The following MR1 variants were observed in gnomAD, a reference collection of about 807,000 sequenced individuals.
The protein encoded by MR1 is major histocompatibility complex class I-related protein 1.
A neutral mutation model predicts 37.8 loss-of-function variants in MR1; 44 were observed. The observed-to-expected ratio is 1.16, with a 90% CI of 0.91 to 1.50. MR1 has a LOEUF of 1.50. MR1 is among the 40% of genes most tolerant of loss of function. MR1 has a pLI of 0.00. For synonymous variants in MR1, 153 were observed against 155.8 expected (o/e 0.98, Z 0.13); for missense variants, 386 against 419.1 (o/e 0.92, Z 0.69).
At chr1:181,042,421 G>C (rs1657607664) in intron 1 of MR1, among the ~76,000 whole-genome samples, 1 of 150,588 alleles carries the variant, frequency 6.6e-6, no homozygotes, top group Non-Finnish European at 1.5e-5. Flanking sequence ...GGCTGGTCTT[G>C]AACTCCTGAC....
chr1:181,054,070 C>T (rs571027376), intron 5 of MR1, among the ~76,000 whole-genome samples: 8 of 152,264 alleles, frequency 5.3e-5, no homozygotes, highest in Admixed American at 3.9e-4. Flanking sequence ...CCATTTTGAC[C>T]ACCATTCTTT....
intron 3 of MR1, among the ~76,000 whole-genome samples, chr1:181,051,793 G>A (rs1658334962): frequency 6.6e-6 from 1 of 152,226 alleles, no homozygotes; most frequent in East Asian, 1.9e-4. Flanking sequence ...AGCCAAAACT[G>A]AGTGGGGATG....
rs139847219 is a variant in MR1, at chr1:181,052,898, C to A, written c.880+388C>A. ...CCTGGCCAACATGGTGAAACCCCATCTCTACTAAAAATACAAAAATTAGCC... is the reference window on the plus strand; with the variant it reads ...CCTGGCCAACATGGTGAAACCCCATATCTACTAAAAATACAAAAATTAGCC... On this transcript the variant is annotated intron_variant, in intron 4 of 5. Coordinates refer to ENST00000367580, the MANE Select transcript of MR1 (RefSeq NM_001385161.1). 7.4e-3 allele frequency among the ~76,000 whole-genome samples: 1,122 copies of A among 152,004 alleles called. 4 individuals carry two copies. Among genetic ancestry groups the A allele is most frequent in the Non-Finnish European group, 0.011 (739 of 67,974 alleles).
At chr1:181,047,615 A>G (rs1314631355) in intron 1 of MR1, among the ~76,000 whole-genome samples, 2 of 145,192 alleles carry the variant, frequency 1.4e-5, no homozygotes, top group Non-Finnish European at 3.0e-5. Context: ...ATAAATAAAT[A>G]GGCTGGGCAC....
intron 1 of MR1, among the ~76,000 whole-genome samples, chr1:181,035,445 T>C (rs564759936): frequency 1.3e-5 from 2 of 152,260 alleles, no homozygotes; most frequent in East Asian, 1.9e-4. Flanking sequence ...AGTCTCTGCT[T>C]CCATGAAAAT....
intron 1 of MR1, among the ~76,000 whole-genome samples, chr1:181,037,559 T>C (rs1251908034): frequency 6.6e-6 from 1 of 152,224 alleles, no homozygotes; most frequent in Non-Finnish European, 1.5e-5. Flanking sequence ...ACAGTATTGC[T>C]AAGAGCTGGA....
In MR1 at chr1:181,049,360, G is replaced by A. The variant is rs754179677; in HGVS notation, c.328+48G>A. The A allele has an allele frequency of 2.4e-5, 37 of 1,570,758 alleles. No homozygotes were observed. In the Admixed American group the frequency reaches 3.7e-4, roughly 16 times the overall value. On this transcript the variant is annotated intron_variant, in intron 2 of 5. Transcript: ENST00000367580. ...CGCTTCCCCCATCCCACCCCAACCC[G>A]CAGAGACCCCTGGGCTGGCCTCCAA...
intron 1 of MR1, among the ~76,000 whole-genome samples, chr1:181,038,899 G>T (rs912665215): frequency 5.9e-5 from 9 of 152,170 alleles, no homozygotes; most frequent in Non-Finnish European, 4.4e-5. Flanking sequence ...CGCCTCCTGG[G>T]TTCAAGCGAT....
intron 1 of MR1, among the ~76,000 whole-genome samples, chr1:181,043,139 A>G (rs577084258): frequency 6.6e-6 from 1 of 152,282 alleles, no homozygotes; most frequent in East Asian, 1.9e-4. Context: ...ACTTTTATGA[A>G]GAGGCTCTCA....
chr1:181,049,190 C>A lies in MR1; in HGVS notation c.206C>A (p.Ala69Asp), dbSNP rs768168767. Residue 69 changes from alanine to aspartate, a missense_variant, in exon 2 of 6, where the codon GCC becomes GAC. By Grantham distance (126) the Ala-to-Asp change is moderately radical. Coordinates refer to ENST00000367580, the MANE Select transcript of MR1 (RefSeq NM_001385161.1). ...DSVTRQKEPR[A>D]PWMAENLAPD... ...GTCACTCGGCAGAAGGAGCCACGGG[C>A]CCCATGGATGGCAGAGAACCTCGCG... is the stretch of plus-strand genomic sequence containing the variant. 1 of 1,614,216 alleles carries A rather than the reference C, an allele frequency of 6.2e-7. No individual in the cohort carries two copies.
intron 1 of MR1, among the ~76,000 whole-genome samples, chr1:181,043,988 G>T (rs1657715559): frequency 8.8e-6 from 1 of 113,538 alleles, no homozygotes; most frequent in Admixed American, 1.2e-4. Flanking sequence ...TTTTGAGACA[G>T]AGTCTCACTC....
intron 2 of MR1, 49 bp downstream of exon 2, chr1:181,049,361 C>A: frequency 1.3e-6 from 2 of 1,572,326 alleles, no homozygotes; most frequent in Non-Finnish European, 1.7e-6. Context: ...CCCCAACCCG[C>A]AGAGACCCCT....
rs1164626173 is a variant in MR1 at position 181,060,101 on chromosome 1, G to A, written c.*4836G>A. On this transcript the variant is annotated 3_prime_UTR_variant, in exon 6 of 6. Coordinates refer to ENST00000367580, the MANE Select transcript of MR1 (RefSeq NM_001385161.1). ...TGGCAGAAACATGCTGCCTCTAAAG[G>A]GACTGGGAAAGGATCTGTTCCAGGC... 6.6e-6 allele frequency: 1 copy of A among 151,236 alleles called. No individual in the cohort carries two copies. Among genetic ancestry groups the A allele is most frequent in the African/African-American group, 2.4e-5 (1 of 41,374 alleles). 9.4% of individuals were successfully genotyped at this position (151,236 alleles called of 1,614,324 possible). A position where few individuals can be genotyped will look rare whatever the true frequency, so the allele number is the denominator to read the frequency against.
rs965335592 is a variant in MR1 at position 181,056,404 on chromosome 1, A to C, written c.*1139A>C. ...TAATAATAATAATAATAATAATAAT[A>C]ACAGTATATTTGGTGTCAGGAGAGG... On this transcript the variant is annotated 3_prime_UTR_variant, in exon 6 of 6. Coordinates refer to ENST00000367580, the MANE Select transcript of MR1 (RefSeq NM_001385161.1). 1 of 140,426 alleles carries C rather than the reference A, an allele frequency of 7.1e-6. No individual in the cohort carries two copies. The highest frequency in any genetic ancestry group is 2.6e-5 in the African/African-American group (1 of 38,154). 8.7% of individuals were successfully genotyped at this position (140,426 alleles called of 1,614,324 possible). A position where few individuals can be genotyped will look rare whatever the true frequency, so the allele number is the denominator to read the frequency against.
chr1:181,045,576 C>G (rs1332819273), intron 1 of MR1, among the ~76,000 whole-genome samples: 1 of 152,166 alleles, frequency 6.6e-6, no homozygotes, highest in Non-Finnish European at 1.5e-5. Context: ...CCTACCTGTC[C>G]CTGAGACCTC....
At chr1:181,048,707 G>T (rs1421299598) in intron 1 of MR1, among the ~76,000 whole-genome samples, 1 of 152,148 alleles carries the variant, frequency 6.6e-6, no homozygotes, top group Non-Finnish European at 1.5e-5. Context: ...GAGGGCTCCC[G>T]CAGGGACAGC....
At chr1:181,050,357 T>C in intron 3 of MR1, 71 bp downstream of exon 3, 1 of 1,580,554 alleles carries the variant, frequency 6.3e-7, no homozygotes, top group Non-Finnish European at 8.7e-7. Flanking sequence ...TCTTTTAATC[T>C]AGGTTATATC....
chr1:181,048,993 G>T, intron 1 of MR1, 59 bp from the exon 2 acceptor site: 2 of 1,573,080 alleles, frequency 1.3e-6, no homozygotes, highest in East Asian at 4.5e-5. Context: ...AATGAATGCA[G>T]TTGAAGGATC....
chr1:181,046,225 G>A (rs555141448), intron 1 of MR1, among the ~76,000 whole-genome samples: 1 of 152,244 alleles, frequency 6.6e-6, no homozygotes, highest in Non-Finnish European at 1.5e-5. Context: ...CGCACGGCGC[G>A]GGAATGGCAG....
Sources: allele counts gnomAD v4.1 joint callset (sites outside exome capture counted in the v4.1 genomes callset), GRCh38; gene constraint gnomAD v4.1.1; transcripts MANE v1.5; gene names NCBI Gene and HGNC (gene_info 2026-07-23, HGNC 2026-07-21).